Variants in RPGRIP1 observed in about 807,000 individuals in gnomAD.
RPGRIP1 encodes the protein X-linked retinitis pigmentosa GTPase regulator-interacting protein 1.
RPGRIP1 carries 128 observed loss-of-function variants against 157.9 expected under a neutral mutation model. The observed-to-expected ratio is 0.81, with a 90% CI of 0.70 to 0.94. The LOEUF is 0.94. Among genes scored for constraint, RPGRIP1 ranks in the 40% least tolerant of loss-of-function variants. The pLI, the probability that RPGRIP1 is intolerant of heterozygous loss-of-function variation, is 0.00. For missense variants in RPGRIP1, 1,486 were observed against 1,545.8 expected (o/e 0.96, Z 0.65); for synonymous variants, 554 against 571.6 (o/e 0.97, Z 0.44).
chr14:21,306,864 C>T (rs374604573), intron 6 of RPGRIP1, among the ~76,000 whole-genome samples: 2 of 151,742 alleles, frequency 1.3e-5, no homozygotes, highest in Middle Eastern at 3.4e-3. Context: ...CAACCTCCCC[C>T]TCCCAGGTTC....
chr14:21,331,742 G>T (rs2139273169), intron 20 of RPGRIP1, among the ~76,000 whole-genome samples: 1 of 152,090 alleles, frequency 6.6e-6, no homozygotes, highest in Non-Finnish European at 1.5e-5. Flanking sequence ...TGGCTGAACG[G>T]TGATAGAGAT....
chr14:21,332,455 A>G (rs936427374), intron 20 of RPGRIP1, among the ~76,000 whole-genome samples: 1 of 152,224 alleles, frequency 6.6e-6, no homozygotes, highest in Non-Finnish European at 1.5e-5. Context: ...AATCCTGGTT[A>G]TAAGAGAACA....
chr14:21,283,526 C>A (rs1880203331), intron 1 of RPGRIP1, among the ~76,000 whole-genome samples: 1 of 152,164 alleles, frequency 6.6e-6, no homozygotes, highest in Admixed American at 6.6e-5. Context: ...TGGTCTCAAA[C>A]TCCTGACCTT....
intron 1 of RPGRIP1, among the ~76,000 whole-genome samples, chr14:21,285,041 A>G (rs1880251973): frequency 6.7e-6 from 1 of 150,324 alleles, no homozygotes; most frequent in Admixed American, 6.6e-5. Context: ...TACTGCATCT[A>G]TAGAGGTAAA....
At chr14:21,290,992 C>T (rs1880506614) in intron 2 of RPGRIP1, among the ~76,000 whole-genome samples, 1 of 144,938 alleles carries the variant, frequency 6.9e-6, no homozygotes, top group African/African-American at 2.5e-5. Context: ...CAGAGCGAGA[C>T]TCCATCTCAA....
At chr14:21,330,494 CGT>C (rs1883638354) in intron 20 of RPGRIP1, 107 bp downstream of exon 20, 3 of 767,276 alleles carry the variant, frequency 3.9e-6, no homozygotes, top group African/African-American at 1.9e-5. Flanking sequence ...TGATGAAACC[CGT>C]CTCTACTAAA....
At chr14:21,296,517 A>C (rs1228862707) in intron 3 of RPGRIP1, among the ~76,000 whole-genome samples, 5 of 149,364 alleles carry the variant, frequency 3.3e-5, no homozygotes, top group Non-Finnish European at 7.4e-5. Flanking sequence ...CCAGGCCTTA[A>C]TATTTGTATT....
intron 17 of RPGRIP1, 29 bp downstream of exon 17, chr14:21,326,202 C>T (rs774109014): frequency 1.8e-5 from 25 of 1,421,948 alleles, no homozygotes; most frequent in African/African-American, 2.9e-5. Flanking sequence ...TACATCTTCA[C>T]GCCCTCTTCC....
chr14:21,294,629 A>C (rs1880684276), intron 2 of RPGRIP1, 48 bp from the exon 3 acceptor site: 1 of 1,595,584 alleles, frequency 6.3e-7, no homozygotes, highest in South Asian at 1.1e-5. Context: ...AAGGGTTCAA[A>C]AAATAGGTGT....
rs374394197 is a variant in RPGRIP1, at chr14:21,282,965, C to T, written c.-39+2806C>T. On this transcript the variant is annotated intron_variant, in intron 1 of 24. Coordinates refer to ENST00000400017, the MANE Select transcript of RPGRIP1 (RefSeq NM_020366.4). ...AAATCTGGCCACTGGATGTTCAACA[C>T]GCCTTCACTGACAGTCTCAACTGGC... Among the ~76,000 whole-genome samples the T allele has an allele frequency of 2.4e-4, 37 of 152,238 alleles. 1 individual carries two copies. In the South Asian group the frequency reaches 7.0e-3, roughly 29 times the overall value.
Position 21,334,603 on chromosome 14 carries a change from A to G in RPGRIP1, c.3239-2A>G. 1.2e-6 allele frequency: 2 copies of G among 1,600,112 alleles called. No individual in the cohort carries two copies. Among genetic ancestry groups the G allele is most frequent in the Non-Finnish European group, 1.7e-6 (2 of 1,172,802 alleles). ...CTATAACTGCAACCTCTTCTCTAGC[A>G]GACAAAGAATCCTCTGAACAAGGTT... is the stretch of plus-strand genomic sequence containing the variant. On this transcript the variant is annotated splice_acceptor_variant, in intron 20 of 24. Coordinates refer to ENST00000400017, the MANE Select transcript of RPGRIP1 (RefSeq NM_020366.4). LOFTEE classifies it high-confidence loss of function.
At position 21,330,252 on chromosome 14, in the gene RPGRIP1, G is replaced by A. The variant is rs776587567; in HGVS notation, c.3103G>A (p.Val1035Met). 1 of 1,549,374 alleles carries A rather than the reference G, an allele frequency of 6.5e-7. No individual in the cohort carries two copies. Among genetic ancestry groups the A allele is most frequent in the South Asian group, 1.3e-5 (1 of 78,342 alleles). Reference sequence around the variant, plus strand: ...TATTGTTGTTCTTATTCTGAAGCAGGTGAATTACACTGAGTGGAAGTTCTC... The same window carrying A: ...TATTGTTGTTCTTATTCTGAAGCAGATGAATTACACTGAGTGGAAGTTCTC... Reference protein sequence around the residue: ...NILNGNTPEQVNYTEWKFSET... With the variant: ...NILNGNTPEQMNYTEWKFSET... Residue 1035 changes from valine to methionine, a missense_variant, in exon 20 of 25, where the codon GTG becomes ATG. Coordinates refer to ENST00000400017, the MANE Select transcript of RPGRIP1 (RefSeq NM_020366.4).
At chr14:21,301,355 ACTCC>A in intron 4 of RPGRIP1, 118 bp downstream of exon 4, 1 of 1,088,940 alleles carries the variant, frequency 9.2e-7, no homozygotes, top group South Asian at 1.5e-5. Context: ...TTTTGTTCTC[ACTCC>A]CTCCTTTCTG....
At chr14:21,296,687 T>C (rs1008817699) in intron 3 of RPGRIP1, among the ~76,000 whole-genome samples, 19 of 150,726 alleles carry the variant, frequency 1.3e-4, no homozygotes, top group Non-Finnish European at 7.4e-5. Flanking sequence ...CCAGCCACAG[T>C]GGCTCACGCC....
At chr14:21,307,606 T>C in intron 6 of RPGRIP1, 125 bp from the exon 7 acceptor site, 1 of 644,494 alleles carries the variant, frequency 1.6e-6, no homozygotes, top group Non-Finnish European at 2.8e-6. Context: ...ACTTGTGTTC[T>C]AGTGTGGGTA....
chr14:21,306,292 C>T (rs929014172), intron 6 of RPGRIP1, among the ~76,000 whole-genome samples: 9 of 151,148 alleles, frequency 6.0e-5, no homozygotes, highest in African/African-American at 2.2e-4. Flanking sequence ...ACCACCACAC[C>T]TGGCTAATTT....
intron 24 of RPGRIP1, 93 bp from the exon 25 acceptor site, chr14:21,351,011 T>C: frequency 3.0e-6 from 2 of 664,018 alleles, no homozygotes; most frequent in Middle Eastern, 2.5e-4. Context: ...ATGGGTAATT[T>C]CATTCATTTA....
At position 21,321,635 on chromosome 14, in the gene RPGRIP1, G is replaced by A. The variant is rs3748358; in HGVS notation, c.1612-219G>A. On this transcript the variant is annotated intron_variant, in intron 13 of 24. Transcript: ENST00000400017. Reference sequence around the variant, plus strand: ...AGCCCATGCCAATGGCAAGCGTAAGGCTTCTGGGTTCAAATTTTGCCAGTC... The same window carrying A: ...AGCCCATGCCAATGGCAAGCGTAAGACTTCTGGGTTCAAATTTTGCCAGTC... The A allele has an allele frequency of 0.39, 390,104 of 1,012,034 alleles. 78,450 individuals carry two copies. Among genetic ancestry groups the A allele is most frequent in the East Asian group, 0.42 (16,001 of 37,744 alleles). 62.7% of individuals were successfully genotyped at this position (1,012,034 alleles called of 1,614,324 possible). A position where few individuals can be genotyped will look rare whatever the true frequency, so the allele number is the denominator to read the frequency against.
At chr14:21,334,741 A>C in intron 21 of RPGRIP1, 36 bp downstream of exon 21, 1 of 1,364,534 alleles carries the variant, frequency 7.3e-7, no homozygotes, top group South Asian at 1.2e-5. Context: ...ATACGAGATA[A>C]GACGATAAAT....
Sources: allele counts gnomAD v4.1 joint callset (sites outside exome capture counted in the v4.1 genomes callset), GRCh38; gene constraint gnomAD v4.1.1; transcripts MANE v1.5; gene names NCBI Gene and HGNC (gene_info 2026-07-23, HGNC 2026-07-21).